Variants in IKZF1 observed in about 807,000 individuals in gnomAD.
IKZF1 encodes DNA-binding protein Ikaros.
A neutral mutation model predicts 51.7 loss-of-function variants in IKZF1; 10 were observed. That is an observed-to-expected ratio of 0.19 (90% CI 0.12 to 0.33). IKZF1 has a LOEUF of 0.33. Among genes scored for constraint, IKZF1 ranks in the 10% least tolerant of loss-of-function variants. IKZF1 has a pLI of 1.00. For synonymous variants in IKZF1, 280 were observed against 282.3 expected (o/e 0.99, Z 0.08); for missense variants, 484 against 707.5 (o/e 0.68, Z 3.58).
intron 6 of IKZF1, 34 bp from the exon 7 acceptor site, chr7:50,391,695 C>T: frequency 6.2e-7 from 1 of 1,611,680 alleles, no homozygotes; most frequent in Non-Finnish European, 8.5e-7. Flanking sequence ...AAACATAAGC[C>T]TTTCTAAACT....
At chr7:50,355,799 A>G (rs1438014697) in intron 3 of IKZF1, among the ~76,000 whole-genome samples, 5 of 152,208 alleles carry the variant, frequency 3.3e-5, no homozygotes, top group Non-Finnish European at 5.9e-5. Flanking sequence ...GCATTCATTT[A>G]AAAACCTGCC....
intron 1 of IKZF1, among the ~76,000 whole-genome samples, chr7:50,309,208 G>T (rs149212265): frequency 3.3e-5 from 5 of 152,188 alleles, no homozygotes; most frequent in Admixed American, 3.3e-4. Context: ...TTTCTCACTC[G>T]AGTGTGCAGT....
Position 50,376,941 on chromosome 7 carries a change from C to G in IKZF1, c.421+148C>G. On this transcript the variant is annotated intron_variant, in intron 4 of 7. Coordinates refer to ENST00000331340, the MANE Select transcript of IKZF1 (RefSeq NM_006060.6). This position sits in a 1 kb window ranked among gnomAD's most constrained non-coding sequence, Gnocchi z 4.5. ...TGCAAGCGATTGGTTCCAAGTGGTA[C>G]CGAGTCATAGAGTCCTTGTTCTGGT... 1 of 1,361,232 alleles carries G rather than the reference C, an allele frequency of 7.3e-7. No homozygotes were observed. Among genetic ancestry groups the G allele is most frequent in the Non-Finnish European group, 9.8e-7 (1 of 1,018,448 alleles). The allele number at this position is 1,361,232 out of a possible 1,614,324, so 84.3% of individuals were successfully genotyped here. A position where few individuals can be genotyped will look rare whatever the true frequency, so the allele number is the denominator to read the frequency against.
At chr7:50,325,123 G>A (rs1454213122) in intron 2 of IKZF1, among the ~76,000 whole-genome samples, 5 of 152,038 alleles carry the variant, frequency 3.3e-5, no homozygotes, top group African/African-American at 1.2e-4. Flanking sequence ...AGGTACTTTA[G>A]CAGGTCTTCA....
chr7:50,343,909 C>T (rs919882419), intron 3 of IKZF1, among the ~76,000 whole-genome samples: 2 of 152,154 alleles, frequency 1.3e-5, no homozygotes, highest in African/African-American at 2.4e-5. Context: ...AGAGCCTAGA[C>T]CTTTGAATAA....
Position 50,319,129 on chromosome 7 carries a change from G to T in IKZF1, c.40+28G>T, listed in dbSNP as rs756662850. On this transcript the variant is annotated intron_variant, in intron 2 of 7. Transcript: ENST00000331340. ...GAGACCTTATGAGATAGCTGTGTGG[G>T]AAGTTCATGAGAAAAGCTTCCCTGG... 46 of 1,609,632 alleles carry T rather than the reference G, an allele frequency of 2.9e-5. No homozygotes were observed. The Middle Eastern group carries it at 9.9e-4, about 35-fold the overall frequency.
chr7:50,325,447 C>T (rs1275596945), intron 2 of IKZF1, among the ~76,000 whole-genome samples: 3 of 152,002 alleles, frequency 2.0e-5, no homozygotes, highest in South Asian at 2.1e-4. Context: ...GAGGTGAAAA[C>T]GCTAAGATAT....
chr7:50,309,148 C>T (rs1433665504), intron 1 of IKZF1, among the ~76,000 whole-genome samples: 1 of 152,212 alleles, frequency 6.6e-6, no homozygotes, highest in Non-Finnish European at 1.5e-5. Context: ...CACGGCTTAA[C>T]AAATGGCTGA....
chr7:50,353,626 C>A (rs1802452788), intron 3 of IKZF1, among the ~76,000 whole-genome samples: 1 of 152,194 alleles, frequency 6.6e-6, no homozygotes, highest in Non-Finnish European at 1.5e-5. Flanking sequence ...GGTGGGTCAG[C>A]CCCCGAGGCT....
At chr7:50,368,788 T>G (rs1206139034) in intron 3 of IKZF1, 4 of 233,614 alleles carry the variant, frequency 1.7e-5, no homozygotes, top group Non-Finnish European at 3.4e-5. Context: ...CCATACAAGT[T>G]GATAATCCCC....
intron 4 of IKZF1, among the ~76,000 whole-genome samples, chr7:50,380,433 T>G (rs1028985753): frequency 1.3e-5 from 2 of 152,196 alleles, no homozygotes; most frequent in Admixed American, 1.3e-4. Flanking sequence ...TGGCTCTGCC[T>G]CCTGTTTTCC....
intron 3 of IKZF1, among the ~76,000 whole-genome samples, chr7:50,347,255 G>A (rs543206000): frequency 6.6e-6 from 1 of 152,162 alleles, no homozygotes; most frequent in East Asian, 1.9e-4. Context: ...TTTGGAAACA[G>A]CCTACTAATC....
At chr7:50,345,504 A>G (rs557220657) in intron 3 of IKZF1, among the ~76,000 whole-genome samples, 94 of 152,300 alleles carry the variant, frequency 6.2e-4, no homozygotes, top group Non-Finnish European at 8.5e-4. Flanking sequence ...TCCAGAACAC[A>G]TGGGATCCCC....
chr7:50,314,666 C>T (rs927503697), intron 1 of IKZF1, among the ~76,000 whole-genome samples: 11 of 152,204 alleles, frequency 7.2e-5, no homozygotes, highest in Admixed American at 2.0e-4. Flanking sequence ...TGTGTCAGGG[C>T]AAGCACTGTG....
At chr7:50,310,776 A>G (rs928090632) in intron 1 of IKZF1, among the ~76,000 whole-genome samples, 2 of 152,168 alleles carry the variant, frequency 1.3e-5, no homozygotes, top group African/African-American at 2.4e-5. Context: ...AGATTCTTAA[A>G]TGATGTTCTT....
At chr7:50,320,199 C>A (rs895575578) in intron 2 of IKZF1, among the ~76,000 whole-genome samples, 1 of 152,114 alleles carries the variant, frequency 6.6e-6, no homozygotes. Context: ...TTGTGTAATT[C>A]TCACATTTAT....
intron 3 of IKZF1, among the ~76,000 whole-genome samples, chr7:50,371,735 C>T (rs963663457): frequency 2.6e-5 from 4 of 152,218 alleles, no homozygotes; most frequent in Non-Finnish European, 5.9e-5. Flanking sequence ...CAACCTTGCT[C>T]GCAGGAATTA....
At chr7:50,398,515 A>G (rs1028456202) in intron 7 of IKZF1, among the ~76,000 whole-genome samples, 1 of 152,192 alleles carries the variant, frequency 6.6e-6, no homozygotes, top group African/African-American at 2.4e-5. Context: ...GCTGACTCTT[A>G]CAAGATCAGA....
At chr7:50,358,856 G>GTT (rs71018470) in intron 3 of IKZF1, among the ~76,000 whole-genome samples, 1,964 of 151,798 alleles carry the variant, frequency 0.013, 50 homozygotes, top group African/African-American at 0.045. Context: ...AGTCCTTGGA[G>GTT]TTTTTTTTCC....
Sources: gnomAD v4.1 joint callset for allele counts (sites outside exome capture counted in the v4.1 genomes callset) on GRCh38, gnomAD v4.1.1 for gene constraint, Gnocchi (gnomAD v3.1) non-coding constraint, MANE v1.5 for transcripts, NCBI Gene and HGNC (gene_info 2026-07-23, HGNC 2026-07-21) for gene names.